Variants in SCHIP1 observed in about 807,000 individuals in gnomAD.
SCHIP1 encodes the protein schwannomin-interacting protein 1.
A neutral mutation model predicts 29.7 loss-of-function variants in SCHIP1; 8 were observed. That is an observed-to-expected ratio of 0.27 (90% confidence interval 0.16 to 0.49). The LOEUF (loss-of-function observed/expected upper bound fraction) is 0.49, where lower values mean the gene tolerates loss of function less well. SCHIP1 is among the 20% of genes least tolerant of loss of function. The probability of loss-of-function intolerance (pLI) is 0.99; values close to 1 mark genes in which losing one functional copy is unlikely to be tolerated. For missense variants in SCHIP1, 193 were observed against 294.6 expected (o/e 0.66, Z 2.52); for synonymous variants, 76 against 94.9 (o/e 0.80, Z 1.16).
chr3:159,585,957 GATGGATGGATGA>G, the SCHIP1 span, among the ~76,000 whole-genome samples: 2 of 152,154 alleles, frequency 1.3e-5, no homozygotes, highest in African/African-American at 4.8e-5. Context: ...AATATTATTG[GATGGATGGATGA>G]ATGGATGGAT....
chr3:159,356,891 C>T, the SCHIP1 span, among the ~76,000 whole-genome samples: 1 of 152,164 alleles, frequency 6.6e-6, no homozygotes. Context: ...AAAGAGAGAG[C>T]AGTTCTAAAT....
chr3:159,291,885 A>G, the SCHIP1 span, among the ~76,000 whole-genome samples: 2 of 152,154 alleles, frequency 1.3e-5, no homozygotes, highest in African/African-American at 2.4e-5. Flanking sequence ...GAAAAATAAA[A>G]TTATTTTAAA....
the SCHIP1 span, among the ~76,000 whole-genome samples, chr3:159,556,283 G>C: frequency 3.3e-5 from 5 of 152,106 alleles, no homozygotes; most frequent in East Asian, 9.6e-4. Context: ...TGCTGGAGAG[G>C]ATGTGGAGAA....
At chr3:159,499,981 T>G in the SCHIP1 span, among the ~76,000 whole-genome samples, 1 of 117,898 alleles carries the variant, frequency 8.5e-6, no homozygotes, top group Non-Finnish European at 1.8e-5. Flanking sequence ...TCCCCTCATT[T>G]TATACATTTT....
At chr3:159,344,536 C>T in the SCHIP1 span, among the ~76,000 whole-genome samples, 1 of 152,150 alleles carries the variant, frequency 6.6e-6, no homozygotes, top group East Asian at 1.9e-4. Flanking sequence ...TCCCCAAACA[C>T]ACAATCCCAG....
chr3:159,642,429 A>G, the SCHIP1 span, among the ~76,000 whole-genome samples: 2 of 152,110 alleles, frequency 1.3e-5, no homozygotes, highest in Non-Finnish European at 2.9e-5. Context: ...TTCACATGGC[A>G]TAACACCCAA....
chr3:159,585,773 GCTATA>G, the SCHIP1 span, among the ~76,000 whole-genome samples: 34 of 152,028 alleles, frequency 2.2e-4, no homozygotes, highest in Non-Finnish European at 1.5e-5. Flanking sequence ...ACTCTTAACA[GCTATA>G]CTATATCTAA....
chr3:159,387,077 G>A, the SCHIP1 span: 1 of 170,368 alleles, frequency 5.9e-6, no homozygotes, highest in Non-Finnish European at 1.3e-5. Context: ...AAAGTGGTCA[G>A]TCACTCCACA....
At chr3:159,795,901 A>C in the SCHIP1 span, among the ~76,000 whole-genome samples, 1 of 152,194 alleles carries the variant, frequency 6.6e-6, no homozygotes, top group African/African-American at 2.4e-5. Context: ...GTTTTGCTGC[A>C]TCAGATATAT....
the SCHIP1 span, among the ~76,000 whole-genome samples, chr3:159,484,346 AACTC>A: frequency 6.6e-6 from 1 of 152,188 alleles, no homozygotes; most frequent in South Asian, 2.1e-4. Flanking sequence ...AAAAGTGAAA[AACTC>A]AATTAAGGGA....
chr3:159,766,252 G>A, the SCHIP1 span, among the ~76,000 whole-genome samples: 8 of 152,088 alleles, frequency 5.3e-5, no homozygotes, highest in Admixed American at 5.2e-4. Flanking sequence ...CCTGAAAATT[G>A]GGTGCATGCA....
At chr3:159,427,304 T>C in the SCHIP1 span, among the ~76,000 whole-genome samples, 39 of 151,580 alleles carry the variant, frequency 2.6e-4, no homozygotes, top group African/African-American at 9.0e-4. Context: ...GAAAACCCCA[T>C]TGTCTCAGCC....
the SCHIP1 span, among the ~76,000 whole-genome samples, chr3:159,497,213 T>A: frequency 6.6e-6 from 1 of 151,678 alleles, no homozygotes; most frequent in East Asian, 1.9e-4. Context: ...CAAACCTGCA[T>A]GTTGTGCACA....
chr3:159,343,180 A>G, the SCHIP1 span, among the ~76,000 whole-genome samples: 1 of 152,234 alleles, frequency 6.6e-6, no homozygotes, highest in Admixed American at 6.5e-5. Flanking sequence ...TGTCTAAGAC[A>G]TAACTAGTAA....
At chr3:159,374,331 G>A in the SCHIP1 span, among the ~76,000 whole-genome samples, 2 of 152,084 alleles carry the variant, frequency 1.3e-5, no homozygotes, top group Non-Finnish European at 2.9e-5. Context: ...TAGAGGAGGT[G>A]AGCAGGGTGA....
At chr3:159,763,211 G>C in the SCHIP1 span, among the ~76,000 whole-genome samples, 1 of 152,074 alleles carries the variant, frequency 6.6e-6, no homozygotes, top group South Asian at 2.1e-4. Flanking sequence ...AAGCGGCGAG[G>C]AGGAAGGTGG....
the SCHIP1 span, among the ~76,000 whole-genome samples, chr3:159,443,760 G>A: frequency 2.6e-5 from 4 of 152,118 alleles, no homozygotes; most frequent in Non-Finnish European, 5.9e-5. Context: ...GCCCGCCTCG[G>A]CCTCCCAAAG....
the SCHIP1 span, among the ~76,000 whole-genome samples, chr3:159,785,549 A>G: frequency 3.3e-5 from 5 of 150,472 alleles, no homozygotes; most frequent in East Asian, 9.8e-4. Flanking sequence ...GTAAATACAG[A>G]GCCATCCTCT....
the SCHIP1 span, among the ~76,000 whole-genome samples, chr3:159,759,963 C>A: frequency 6.6e-6 from 1 of 151,630 alleles, no homozygotes; most frequent in South Asian, 2.1e-4. Flanking sequence ...GCACTGACCC[C>A]TGAGGAACAT....
Sources: gnomAD v4.1 joint callset for allele counts (sites outside exome capture counted in the v4.1 genomes callset) on GRCh38, gnomAD v4.1.1 for gene constraint, MANE v1.5 for transcripts, NCBI Gene and HGNC (gene_info 2026-07-23, HGNC 2026-07-21) for gene names.